TXLNB: variants seen among roughly 807,000 people sequenced by gnomAD.
TXLNB encodes the protein beta-taxilin.
A neutral mutation model predicts 57.4 loss-of-function variants in TXLNB; 37 were observed. That is an observed-to-expected ratio of 0.64 (90% CI 0.50 to 0.85). TXLNB has a LOEUF of 0.85. Ranked by LOEUF, TXLNB falls within the 40% of genes least tolerant of loss-of-function variation. The probability of loss-of-function intolerance (pLI) is 0.00; values close to 1 mark genes in which losing one functional copy is unlikely to be tolerated. For missense variants in TXLNB, 848 were observed against 825.6 expected (o/e 1.03, Z -0.33); for synonymous variants, 302 against 309.6 (o/e 0.98, Z 0.26).
chr6:139,234,581 C>A, the TXLNB span: 1,539 of 152,398 alleles, frequency 0.01, 26 homozygotes, highest in African/African-American at 0.036. Context: ...CCTGTGGGTG[C>A]ACAGAAGTCA....
At chr6:139,315,888 C>T in the TXLNB span, among the ~76,000 whole-genome samples, 7 of 152,018 alleles carry the variant, frequency 4.6e-5, no homozygotes, top group Admixed American at 2.6e-4. Context: ...ATTTTAGACA[C>T]AGAGAACTTA....
the TXLNB span, among the ~76,000 whole-genome samples, chr6:139,212,794 C>T: frequency 6.6e-6 from 1 of 151,898 alleles, no homozygotes; most frequent in African/African-American, 2.4e-5. Flanking sequence ...ATCCACCAAG[C>T]AAATAGAAAA....
the TXLNB span, among the ~76,000 whole-genome samples, chr6:139,181,388 G>A: frequency 2.4e-4 from 37 of 152,226 alleles, no homozygotes; most frequent in Admixed American, 2.2e-3. Flanking sequence ...GTAGCATCAT[G>A]AAATCTCAAG....
chr6:139,200,750 C>T, the TXLNB span, among the ~76,000 whole-genome samples: 1 of 152,126 alleles, frequency 6.6e-6, no homozygotes, highest in South Asian at 2.1e-4. Context: ...GGGACTGATA[C>T]CCCAGTCCAG....
chr6:139,215,154 A>G, the TXLNB span, among the ~76,000 whole-genome samples: 8 of 151,952 alleles, frequency 5.3e-5, no homozygotes, highest in African/African-American at 1.2e-4. Flanking sequence ...AACCAAAAAA[A>G]AGCCCGCATT....
At chr6:139,199,665 A>G in the TXLNB span, among the ~76,000 whole-genome samples, 10 of 152,318 alleles carry the variant, frequency 6.6e-5, no homozygotes, top group African/African-American at 2.4e-4. Flanking sequence ...AGCCAGGCAT[A>G]GGTGGTGATG....
At chr6:139,221,356 C>T in the TXLNB span, among the ~76,000 whole-genome samples, 1 of 152,178 alleles carries the variant, frequency 6.6e-6, no homozygotes, top group Admixed American at 6.5e-5. Context: ...CTTCAAATCA[C>T]CTCAGTTTAT....
chr6:139,302,644 C>T, the TXLNB span, among the ~76,000 whole-genome samples: 2 of 149,480 alleles, frequency 1.3e-5, no homozygotes, highest in African/African-American at 4.9e-5. Flanking sequence ...GGAATGGTGG[C>T]GGGCACCTGA....
In TXLNB at chr6:139,242,999, C is replaced by T; in HGVS notation, c.1582G>A (p.Gly528Ser). The change falls in exon 10 of 10, where the codon GGC becomes AGC. Residue 528 changes from glycine to serine, a missense_variant. Gly to Ser is a moderately conservative substitution (Grantham distance 56). Transcript: ENST00000358430. ...GCGTCAGCACTCTCCTGAGAACTGCCTATTTCGGGTTGGGTTTCTTTGGAC... is the reference window on the plus strand; with the variant it reads ...GCGTCAGCACTCTCCTGAGAACTGCTTATTTCGGGTTGGGTTTCTTTGGAC... ...HQSKETQPEI[G>S]SSQESADAAL... The T allele has an allele frequency of 6.2e-7, 1 of 1,614,102 alleles. No homozygotes were observed. The highest frequency in any genetic ancestry group is 8.5e-7 in the Non-Finnish European group (1 of 1,180,026).
chr6:139,195,393 C>T, the TXLNB span, among the ~76,000 whole-genome samples: 5 of 152,096 alleles, frequency 3.3e-5, no homozygotes, highest in Non-Finnish European at 5.9e-5. Context: ...CCCTAAAATT[C>T]CTCAAATTTA....
intron 1 of TXLNB, 88 bp from the exon 2 acceptor site, chr6:139,289,001 T>G (rs181189752): frequency 1.1e-6 from 1 of 929,750 alleles, no homozygotes; most frequent in Non-Finnish European, 1.6e-6. Context: ...ATCCCCCAAG[T>G]GAATACCAAC....
intron 2 of TXLNB, among the ~76,000 whole-genome samples, chr6:139,278,670 T>C (rs1776962382): frequency 6.6e-6 from 1 of 152,230 alleles, no homozygotes; most frequent in South Asian, 2.1e-4. Flanking sequence ...ACACAGTGTT[T>C]GGCCCATGGC....
chr6:139,229,111 A>G, the TXLNB span, among the ~76,000 whole-genome samples: 1 of 152,116 alleles, frequency 6.6e-6, no homozygotes, highest in African/African-American at 2.4e-5. Flanking sequence ...AATAATTTTT[A>G]TTTTTGCACA....
Position 139,243,112 on chromosome 6 carries a change from G to T in TXLNB, c.1469C>A (p.Ala490Glu). 1.2e-6 allele frequency: 2 copies of T among 1,614,160 alleles called. No individual in the cohort carries two copies. Among genetic ancestry groups the T allele is most frequent in the African/African-American group, 2.7e-5 (2 of 75,038 alleles). ...GGTTTGGACACTATTAACCTCCTCT[G>T]CGTCAATCTCTTGATCCACAGAGAC... is the stretch of plus-strand genomic sequence containing the variant. ...SNVSVDQEID[A>E]EEVNSVQTAV... is the part of the protein sequence containing the mutation. The change falls in exon 10 of 10, where the codon GCA (alanine) becomes GAA (glutamate). Residue 490 changes from alanine to glutamate, a missense_variant. By Grantham distance (107) the Ala-to-Glu change is moderately radical. Transcript: ENST00000358430.
intron 4 of TXLNB, among the ~76,000 whole-genome samples, chr6:139,266,409 C>T (rs1201978191): frequency 6.6e-6 from 1 of 151,922 alleles, no homozygotes; most frequent in Non-Finnish European, 1.5e-5. Context: ...AAAAAAAGAA[C>T]CAAATGGAAA....
Position 139,288,368 on chromosome 6 carries a change from C to T in TXLNB, c.424+108G>A, listed in dbSNP as rs1234297698. The T allele has an allele frequency of 2.8e-6, 3 of 1,069,234 alleles. No individual in the cohort carries two copies. The East Asian group carries it at 7.1e-5, about 25-fold the overall frequency. The allele number at this position is 1,069,234 out of a possible 1,614,324, so 66.2% of individuals were successfully genotyped here. On this transcript the variant is annotated intron_variant, in intron 2 of 9. Coordinates refer to ENST00000358430, the MANE Select transcript of TXLNB (RefSeq NM_153235.4). Reference sequence around the variant, plus strand: ...CAACAAGGGAAAATATAGAAGGCTACTACAGTCATCCAAATATTGGATGTG... The same window carrying T: ...CAACAAGGGAAAATATAGAAGGCTATTACAGTCATCCAAATATTGGATGTG...
At chr6:139,249,964 T>A (rs921152218) in intron 7 of TXLNB, among the ~76,000 whole-genome samples, 1 of 151,796 alleles carries the variant, frequency 6.6e-6, no homozygotes, top group South Asian at 2.1e-4. Context: ...ACACACACAC[T>A]CTGTCTCTCA....
intron 8 of TXLNB, among the ~76,000 whole-genome samples, chr6:139,245,997 G>A (rs937638829): frequency 7.9e-5 from 12 of 152,114 alleles, no homozygotes; most frequent in East Asian, 7.7e-4. Flanking sequence ...CCAGCCAGTT[G>A]TTTGTAAACT....
At chr6:139,288,387 G>T in intron 2 of TXLNB, 89 bp downstream of exon 2, 2 of 1,244,912 alleles carry the variant, frequency 1.6e-6, no homozygotes, top group Non-Finnish European at 2.3e-6. Flanking sequence ...TCCAAATATT[G>T]GATGTGGCTT....
Sources: gnomAD v4.1 joint callset for allele counts (sites outside exome capture counted in the v4.1 genomes callset) on GRCh38, gnomAD v4.1.1 for gene constraint, MANE v1.5 for transcripts, NCBI Gene and HGNC (gene_info 2026-07-23, HGNC 2026-07-21) for gene names.